PRTFDC1: variants seen among roughly 807,000 people sequenced by gnomAD.
The protein encoded by PRTFDC1 is phosphoribosyl transferase domain containing 1, also known as phosphoribosyltransferase domain-containing protein 1.
PRTFDC1 carries 38 observed loss-of-function variants against 34.6 expected under a neutral mutation model. The ratio of observed to expected loss-of-function variants is 1.10; its 90% CI spans 0.85 to 1.44. The LOEUF is 1.44. PRTFDC1 is among the 40% of genes most tolerant of loss of function. PRTFDC1 has a pLI of 0.00. For missense variants in PRTFDC1, 270 were observed against 283.0 expected (o/e 0.95, Z 0.33); for synonymous variants, 93 against 98.1 (o/e 0.95, Z 0.31).
chr10:24,926,316 C>G (rs775355938), intron 3 of PRTFDC1, among the ~76,000 whole-genome samples: 8 of 152,208 alleles, frequency 5.3e-5, no homozygotes, highest in Non-Finnish European at 1.2e-4. Flanking sequence ...AGCAGTGGTA[C>G]CAACATACAC....
intron 4 of PRTFDC1, among the ~76,000 whole-genome samples, chr10:24,871,648 A>G (rs557852983): frequency 7.8e-4 from 90 of 114,816 alleles, no homozygotes; most frequent in Admixed American, 7.0e-3. Flanking sequence ...GGATGGATGA[A>G]AAAAAAAAAA....
intron 3 of PRTFDC1, among the ~76,000 whole-genome samples, chr10:24,877,547 C>G (rs1372040496): frequency 6.6e-6 from 1 of 152,120 alleles, no homozygotes; most frequent in African/African-American, 2.4e-5. Flanking sequence ...GTTGGTTTTT[C>G]TATGCACTAG....
At chr10:24,886,595 A>G (rs10764506) in intron 3 of PRTFDC1, among the ~76,000 whole-genome samples, 131,308 of 152,172 alleles carry the variant, frequency 0.86, 56,888 homozygotes, top group African/African-American at 0.93. Flanking sequence ...GGTGGGGCCT[A>G]AGAGTCTGTG....
intron 3 of PRTFDC1, among the ~76,000 whole-genome samples, chr10:24,899,609 T>C (rs1214124213): frequency 6.6e-6 from 1 of 152,176 alleles, no homozygotes; most frequent in East Asian, 1.9e-4. Flanking sequence ...AGCATACTGA[T>C]TTTTAACTAA....
chr10:24,851,952 G>A (rs192354670), intron 7 of PRTFDC1, among the ~76,000 whole-genome samples: 28 of 152,024 alleles, frequency 1.8e-4, no homozygotes, highest in Admixed American at 3.3e-4. Context: ...CTGTTTAAAG[G>A]GCTGGAAAGC....
At chr10:24,926,820 C>G (rs1174307673) in intron 3 of PRTFDC1, among the ~76,000 whole-genome samples, 1 of 152,108 alleles carries the variant, frequency 6.6e-6, no homozygotes, top group African/African-American at 2.4e-5. Flanking sequence ...CAGCTCTGTC[C>G]CCAGAGTGAT....
intron 8 of PRTFDC1, among the ~76,000 whole-genome samples, chr10:24,850,501 G>C (rs764426084): frequency 6.6e-6 from 1 of 152,190 alleles, no homozygotes; most frequent in East Asian, 1.9e-4. Flanking sequence ...GCATAGTGGC[G>C]TGTGCCTGTA....
intron 3 of PRTFDC1, among the ~76,000 whole-genome samples, chr10:24,921,119 C>G (rs1178259377): frequency 6.6e-6 from 1 of 151,624 alleles, no homozygotes; most frequent in Non-Finnish European, 1.5e-5. Flanking sequence ...AAACAAAAAA[C>G]AAAGGTGTCA....
Position 24,848,628 on chromosome 10 carries a change from T to C in PRTFDC1, c.*1216A>G, listed in dbSNP as rs553703334. On this transcript the variant is annotated 3_prime_UTR_variant, in exon 9 of 9. Transcript: ENST00000320152. ...GTAAGAAGTGATAAAACATAACAAG[T>C]TTTCTTATTCTTTATTAGTTTAAAG... The C allele has an allele frequency of 6.6e-6, 1 of 152,178 alleles. No homozygotes were observed. The highest frequency in any genetic ancestry group is 1.5e-5 in the Non-Finnish European group (1 of 68,000). The allele number at this position is 152,178 out of a possible 1,614,324, so 9.4% of individuals were successfully genotyped here.
intron 3 of PRTFDC1, among the ~76,000 whole-genome samples, chr10:24,879,447 G>A (rs113640001): frequency 1.4e-4 from 21 of 151,920 alleles, no homozygotes; most frequent in Admixed American, 3.3e-4. Flanking sequence ...GGGATCAAGC[G>A]ATTCTCCTGC....
chr10:24,926,632 A>G (rs1275698683), intron 3 of PRTFDC1, among the ~76,000 whole-genome samples: 1 of 152,218 alleles, frequency 6.6e-6, no homozygotes, highest in African/African-American at 2.4e-5. Context: ...TACAGGCATG[A>G]GCCACTGCGT....
intron 3 of PRTFDC1, among the ~76,000 whole-genome samples, chr10:24,890,455 AG>A (rs1195385751): frequency 6.6e-6 from 1 of 152,250 alleles, no homozygotes; most frequent in Non-Finnish European, 1.5e-5. Context: ...CTATGGAACA[AG>A]GCACGTGGGT....
In PRTFDC1 at chr10:24,891,317, T is replaced by C. The variant is rs189388773; in HGVS notation, c.340-19254A>G. On this transcript the variant is annotated intron_variant, in intron 3 of 8. Coordinates refer to ENST00000320152, the MANE Select transcript of PRTFDC1 (RefSeq NM_020200.7). ...TATATACCCTTAACATAATGCAGTTTATAAAACTGTTTCCTAATATAACAA... is the reference window on the plus strand; with the variant it reads ...TATATACCCTTAACATAATGCAGTTCATAAAACTGTTTCCTAATATAACAA... Among the ~76,000 whole-genome samples the C allele has an allele frequency of 2.6e-3, 395 of 152,302 alleles. 1 individual carries two copies. The highest frequency in any genetic ancestry group is 3.0e-3 in the Admixed American group (46 of 15,292).
chr10:24,911,345 T>G (rs1848623615), intron 3 of PRTFDC1, among the ~76,000 whole-genome samples: 1 of 152,232 alleles, frequency 6.6e-6, no homozygotes, highest in Admixed American at 6.5e-5. Context: ...ATATATCCTT[T>G]CAAGTGTGGC....
At chr10:24,943,304 G>A (rs953532579) in intron 1 of PRTFDC1, among the ~76,000 whole-genome samples, 3 of 152,022 alleles carry the variant, frequency 2.0e-5, no homozygotes, top group Non-Finnish European at 2.9e-5. Context: ...CACTTAAACC[G>A]TCCTATTAGA....
rs552547755 is a variant in PRTFDC1 at position 24,939,232 on chromosome 10, C to T, written c.156-1865G>A. Among the ~76,000 whole-genome samples the T allele has an allele frequency of 2.1e-4, 30 of 140,298 alleles. No homozygotes were observed. In the South Asian group the frequency reaches 6.8e-3, roughly 32 times the overall value. The allele number at this position is 140,298 out of a possible 152,430, so 92.0% of individuals were successfully genotyped here. On this transcript the variant is annotated intron_variant, in intron 2 of 8. Coordinates refer to ENST00000320152, the MANE Select transcript of PRTFDC1 (RefSeq NM_020200.7). ...AGGAGAATCACTTGAACCCAGGAGGCGGAGGTTGCAGTAAGCCCAGACTGT... is the reference window on the plus strand; with the variant it reads ...AGGAGAATCACTTGAACCCAGGAGGTGGAGGTTGCAGTAAGCCCAGACTGT...
intron 3 of PRTFDC1, among the ~76,000 whole-genome samples, chr10:24,917,906 C>CT (rs1848720958): frequency 6.6e-6 from 1 of 152,190 alleles, no homozygotes. Flanking sequence ...GTCTCAGAAT[C>CT]TCATATAAAA....
rs1847832174 is a variant in PRTFDC1, at chr10:24,868,954, G to A, written c.405+3044C>T. Among the ~76,000 whole-genome samples the A allele has an allele frequency of 2.0e-5, 3 of 152,160 alleles. No individual in the cohort carries two copies. The South Asian group carries it at 6.2e-4, about 32-fold the overall frequency. On this transcript the variant is annotated intron_variant, in intron 4 of 8. Transcript: ENST00000320152. ...GTATTTACGGAGTACATGAGTGTTTGTTACATGCATGGAATGCGTAATGAG... is the reference window on the plus strand; with the variant it reads ...GTATTTACGGAGTACATGAGTGTTTATTACATGCATGGAATGCGTAATGAG...
At chr10:24,863,845 G>T (rs892961745) in intron 4 of PRTFDC1, among the ~76,000 whole-genome samples, 1 of 151,988 alleles carries the variant, frequency 6.6e-6, no homozygotes. Context: ...GGAGGCTGAG[G>T]TGGGCGGATT....
Sources: allele counts gnomAD v4.1 joint callset (sites outside exome capture counted in the v4.1 genomes callset), GRCh38; gene constraint gnomAD v4.1.1; transcripts MANE v1.5; gene names NCBI Gene and HGNC (gene_info 2026-07-23, HGNC 2026-07-21).